Variants in NUP155 observed in about 807,000 individuals in gnomAD.
The protein encoded by NUP155 is nucleoporin 155.
Under a neutral mutation model 180.4 loss-of-function variants are expected in NUP155, and 71 were observed. The ratio of observed to expected loss-of-function variants is 0.39; its 90% confidence interval spans 0.33 to 0.48. NUP155 has a LOEUF of 0.48. NUP155 is among the 20% of genes least tolerant of loss of function. The probability of loss-of-function intolerance (pLI) is 0.91; values close to 1 mark genes in which losing one functional copy is unlikely to be tolerated. For missense variants in NUP155, 1,553 were observed against 1,648.9 expected, an observed-to-expected ratio of 0.94 and a Z score of 1.01; for synonymous variants, 582 against 559.5, an observed-to-expected ratio of 1.04 and a Z score of -0.57.
intron 28 of NUP155, 30 bp downstream of exon 28, chr5:37,303,229 CA>C (rs1742962111): frequency 3.7e-6 from 6 of 1,609,818 alleles, no homozygotes; most frequent in African/African-American, 1.3e-5. Context: ...AGTTTTGAAT[CA>C]TTCTTCACAA....
At chr5:37,352,915 C>T in intron 4 of NUP155, 86 bp from the exon 5 acceptor site, 1 of 863,780 alleles carries the variant, frequency 1.2e-6, no homozygotes. Context: ...AAGTGAGCTA[C>T]TAATTAAATG....
rs1408548844 is a variant in NUP155, at chr5:37,305,265, GGTAA to G, written c.2904-59_2904-56del. 6 of 1,495,022 alleles carry G rather than the reference GGTAA, an allele frequency of 4.0e-6. No homozygotes were observed. In the East Asian group the frequency reaches 1.4e-4, roughly 34 times the overall value. 92.6% of individuals were successfully genotyped at this position (1,495,022 alleles called of 1,614,324 possible). A position where few individuals can be genotyped will look rare whatever the true frequency, so the allele number is the denominator to read the frequency against. On this transcript the variant is annotated intron_variant, in intron 25 of 34. Coordinates refer to ENST00000231498, the MANE Select transcript of NUP155 (RefSeq NM_153485.3). Reference sequence around the variant, plus strand: ...ATTATTTAACTAGAAAGCAAATGATGGTAAGTGTGGTGACTCACGCCTGTAATGC... The same window carrying G: ...ATTATTTAACTAGAAAGCAAATGATGGTGTGGTGACTCACGCCTGTAATGC...
intron 33 of NUP155, chr5:37,293,253 T>A (rs1742328604): frequency 3.0e-6 from 1 of 328,142 alleles, no homozygotes; most frequent in South Asian, 3.5e-5. Flanking sequence ...ATGTCCCGCT[T>A]AGGAATCTGA....
chr5:37,370,156 A>G (rs1393259844), intron 1 of NUP155, among the ~76,000 whole-genome samples: 2 of 152,174 alleles, frequency 1.3e-5, no homozygotes, highest in African/African-American at 2.4e-5. Context: ...GGATCACTTG[A>G]GGTCAGAGTT....
chr5:37,367,766 C>A (rs1356521842), intron 1 of NUP155, among the ~76,000 whole-genome samples: 3 of 151,706 alleles, frequency 2.0e-5, no homozygotes, highest in African/African-American at 7.3e-5. Context: ...ATCTCCTGAC[C>A]TCGTGATCCG....
At chr5:37,298,619 T>G (rs1044877384) in intron 32 of NUP155, among the ~76,000 whole-genome samples, 4 of 152,200 alleles carry the variant, frequency 2.6e-5, no homozygotes, top group Admixed American at 2.6e-4. Flanking sequence ...AATCATAGTT[T>G]GTCAGTCAGC....
chr5:37,294,331 G>A lies in NUP155; in HGVS notation c.3928C>T (p.Arg1310Trp), dbSNP rs1435711533. 12 of 1,567,402 alleles carry A rather than the reference G, an allele frequency of 7.7e-6. No homozygotes were observed. The highest frequency in any genetic ancestry group is 6.8e-5 in the Admixed American group (4 of 58,450). ...ATGTTATTTAATATTTTCCTTACCC[G>A]TGATTTGAACAACTGATCATAAACT... Reference protein sequence around the residue: ...LEVYDQLFKSRDPFWNRMKKP... With the variant: ...LEVYDQLFKSWDPFWNRMKKP... The change falls in exon 33 of 35, where the codon CGG becomes TGG. Residue 1310 changes from arginine (R) to tryptophan (W), a missense_variant and splice_region_variant. By Grantham distance (101) the Arg-to-Trp change is moderately radical. Coordinates refer to ENST00000231498, the MANE Select transcript of NUP155 (RefSeq NM_153485.3).
chr5:37,325,588 G>T (rs998158031), intron 19 of NUP155, among the ~76,000 whole-genome samples: 1 of 151,612 alleles, frequency 6.6e-6, no homozygotes, highest in Non-Finnish European at 1.5e-5. Flanking sequence ...GGGCAACATG[G>T]TGAAACCCTA....
intron 13 of NUP155, among the ~76,000 whole-genome samples, chr5:37,333,057 A>G (rs1745084160): frequency 6.6e-6 from 1 of 152,190 alleles, no homozygotes; most frequent in South Asian, 2.1e-4. Context: ...AACAAAGTCA[A>G]ATAAGAAACC....
chr5:37,328,677 G>A (rs965248713), intron 16 of NUP155, among the ~76,000 whole-genome samples: 5 of 152,202 alleles, frequency 3.3e-5, no homozygotes, highest in Admixed American at 3.3e-4. Flanking sequence ...GCTACTTTTT[G>A]TACTTTTAGT....
intron 14 of NUP155, 49 bp from the exon 15 acceptor site, chr5:37,330,181 A>ATT: frequency 7.5e-7 from 1 of 1,332,232 alleles, no homozygotes; most frequent in Non-Finnish European, 1.1e-6. Context: ...AAATTTTAAA[A>ATT]TGATTTGTGT....
intron 9 of NUP155, among the ~76,000 whole-genome samples, chr5:37,348,235 T>A (rs1416523923): frequency 2.0e-5 from 3 of 151,478 alleles, no homozygotes; most frequent in Non-Finnish European, 2.9e-5. Context: ...ACCCAGGAGG[T>A]GGAGGTTGCA....
chr5:37,305,035 G>T lies in NUP155; in HGVS notation c.3057+22C>A, dbSNP rs757840179. The T allele has an allele frequency of 3.7e-6, 6 of 1,611,976 alleles. No homozygotes were observed. The Admixed American group carries it at 8.3e-5, about 22-fold the overall frequency. ...CTTCTAAACAGTGTATTCTCAGAAT[G>T]AAAATATACTATGTCCCTTACATGA... On this transcript the variant is annotated intron_variant, in intron 26 of 34. Coordinates refer to ENST00000231498, the MANE Select transcript of NUP155 (RefSeq NM_153485.3).
rs191527126 is a variant in NUP155 at position 37,323,471 on chromosome 5, G to A, written c.2207+521C>T. The stretch of plus-strand genomic sequence containing the variant: ...AAGAAACAGACACCAAAGGTTATCT[G>A]TTGCATACTTCCATTTATATAAATA... On this transcript the variant is annotated intron_variant, in intron 20 of 34. Transcript: ENST00000231498. Among the ~76,000 whole-genome samples, 982 of 151,998 alleles carry A rather than the reference G, an allele frequency of 6.5e-3. 8 individuals are homozygous for A. The highest frequency in any genetic ancestry group is 8.8e-3 in the Non-Finnish European group (599 of 67,982).
intron 4 of NUP155, among the ~76,000 whole-genome samples, chr5:37,356,151 C>T (rs1452296520): frequency 6.6e-6 from 1 of 150,770 alleles, no homozygotes; most frequent in Non-Finnish European, 1.5e-5. Flanking sequence ...ATCGCTTGAA[C>T]CCAGGAGGCG....
intron 32 of NUP155, among the ~76,000 whole-genome samples, chr5:37,296,591 C>A (rs1473752101): frequency 6.6e-6 from 1 of 151,500 alleles, no homozygotes; most frequent in Non-Finnish European, 1.5e-5. Flanking sequence ...AAACCAGAGA[C>A]CTTTGTTCAC....
chr5:37,351,417 T>C, intron 5 of NUP155, 61 bp from the exon 6 acceptor site: 1 of 1,184,292 alleles, frequency 8.4e-7, no homozygotes, highest in East Asian at 2.3e-5. Context: ...TAAAAATCTT[T>C]GCATTATCAT....
At chr5:37,351,047 G>A (rs1581199338) in intron 6 of NUP155, 143 bp downstream of exon 6, 6 of 697,988 alleles carry the variant, frequency 8.6e-6, no homozygotes, top group Non-Finnish European at 1.5e-5. Context: ...TGTAGTCATG[G>A]GGACTACAGC....
At chr5:37,295,093 A>G (rs1198279923) in intron 32 of NUP155, among the ~76,000 whole-genome samples, 1 of 152,124 alleles carries the variant, frequency 6.6e-6, no homozygotes, top group Non-Finnish European at 1.5e-5. Flanking sequence ...TCTCCCTCTG[A>G]TGCCGAGCCG....
Sources: allele counts gnomAD v4.1 joint callset (sites outside exome capture counted in the v4.1 genomes callset), GRCh38; gene constraint gnomAD v4.1.1; transcripts MANE v1.5; gene names NCBI Gene and HGNC (gene_info 2026-07-23, HGNC 2026-07-21).